Variants in CDC42BPA observed in about 807,000 individuals in gnomAD.
The protein encoded by CDC42BPA is CDC42 binding protein kinase alpha.
Under a neutral mutation model 223.5 loss-of-function variants are expected in CDC42BPA, and 80 were observed. The observed-to-expected ratio is 0.36, with a 90% CI of 0.30 to 0.43. The LOEUF is 0.43. CDC42BPA is among the 20% of genes least tolerant of loss of function. CDC42BPA has a pLI of 1.00. For synonymous variants in CDC42BPA, 694 were observed against 718.6 expected (o/e 0.97, Z 0.55); for missense variants, 1,743 against 2,099.9 (o/e 0.83, Z 3.32).
chr1:227,118,465 A>C (rs1240235901), intron 12 of CDC42BPA, among the ~76,000 whole-genome samples: 1 of 152,146 alleles, frequency 6.6e-6, no homozygotes, highest in Non-Finnish European at 1.5e-5. Context: ...TATTAAGCAA[A>C]TCACTCAAAG....
intron 5 of CDC42BPA, among the ~76,000 whole-genome samples, chr1:227,186,360 C>T (rs990908309): frequency 6.6e-6 from 1 of 152,146 alleles, no homozygotes; most frequent in South Asian, 2.1e-4. Flanking sequence ...GGCCTGCCCT[C>T]AGGAGAAACT....
At chr1:227,247,885 A>G (rs1036513612) in intron 2 of CDC42BPA, among the ~76,000 whole-genome samples, 1 of 152,114 alleles carries the variant, frequency 6.6e-6, no homozygotes, top group African/African-American at 2.4e-5. Flanking sequence ...CCATCTCAAA[A>G]TAAATAAATA....
chr1:227,249,618 A>G (rs1681604579), intron 2 of CDC42BPA, among the ~76,000 whole-genome samples: 1 of 152,176 alleles, frequency 6.6e-6, no homozygotes, highest in African/African-American at 2.4e-5. Context: ...TGATAATCCA[A>G]TTTTTAAAAT....
intron 2 of CDC42BPA, 132 bp from the exon 3 acceptor site, chr1:227,213,351 A>G (rs1674266945): frequency 1.9e-6 from 1 of 531,986 alleles, no homozygotes; most frequent in African/African-American, 2.1e-5. Flanking sequence ...AAATTCTAAG[A>G]TCCTAAATTA....
intron 32 of CDC42BPA, among the ~76,000 whole-genome samples, chr1:227,019,458 A>AT (rs1456538326): frequency 1.3e-5 from 2 of 152,168 alleles, no homozygotes; most frequent in African/African-American, 2.4e-5. Context: ...GAATGATGGT[A>AT]TTTTGACCTC....
intron 2 of CDC42BPA, among the ~76,000 whole-genome samples, chr1:227,241,528 C>G (rs1680015347): frequency 6.6e-6 from 1 of 152,086 alleles, no homozygotes; most frequent in African/African-American, 2.4e-5. Flanking sequence ...CATGCAATTG[C>G]AAGGATGAGT....
At chr1:227,016,334 A>T in intron 33 of CDC42BPA, 137 bp from the exon 34 acceptor site, 1 of 630,668 alleles carries the variant, frequency 1.6e-6, no homozygotes, top group Non-Finnish European at 2.8e-6. Context: ...AACAGAATAT[A>T]CTCAATTAAA....
intron 5 of CDC42BPA, among the ~76,000 whole-genome samples, chr1:227,177,372 AG>A (rs1196120011): frequency 6.6e-6 from 1 of 152,154 alleles, no homozygotes; most frequent in Non-Finnish European, 1.5e-5. Flanking sequence ...CCCCAGATAC[AG>A]AATACTGCAT....
intron 2 of CDC42BPA, among the ~76,000 whole-genome samples, chr1:227,236,094 T>C (rs1048903512): frequency 6.6e-6 from 1 of 152,210 alleles, no homozygotes; most frequent in Non-Finnish European, 1.5e-5. Flanking sequence ...TCTATGTACC[T>C]CAGGTGATTC....
Position 227,054,451 on chromosome 1 carries a change from ATGGAAGGT to A in CDC42BPA, c.2905-2474_2905-2467del, listed in dbSNP as rs375197717. On this transcript the variant is annotated intron_variant, in intron 21 of 36. Coordinates refer to ENST00000366766, the MANE Select transcript of CDC42BPA (RefSeq NM_001394014.1). ...AGCCATTTTGTCAGTATATGGACTA[ATGGAAGGT>A]TATATCATGAAATCAGTGAACCTAA... is the stretch of plus-strand genomic sequence containing the variant. Among the ~76,000 whole-genome samples the A allele has an allele frequency of 7.2e-3, 1,104 of 152,312 alleles. 9 individuals are homozygous for A. The highest frequency in any genetic ancestry group is 9.4e-3 in the Non-Finnish European group (638 of 68,010).
chr1:227,216,112 T>C (rs1016668737), intron 2 of CDC42BPA, among the ~76,000 whole-genome samples: 3 of 141,798 alleles, frequency 2.1e-5, no homozygotes, highest in Non-Finnish European at 3.1e-5. Flanking sequence ...CTGTGACTTT[T>C]TCTCTCTCTA....
chr1:226,997,601 C>G (rs572360414), intron 35 of CDC42BPA, among the ~76,000 whole-genome samples: 1 of 152,290 alleles, frequency 6.6e-6, no homozygotes, highest in South Asian at 2.1e-4. Context: ...CTATAAATTT[C>G]CCTCTAAACA....
chr1:227,213,072 A>T, intron 3 of CDC42BPA, 64 bp downstream of exon 3: 1 of 860,738 alleles, frequency 1.2e-6, no homozygotes. Flanking sequence ...AGCTCTATGG[A>T]ATTTTATAAT....
At chr1:227,075,526 C>T (rs1679289081) in intron 17 of CDC42BPA, among the ~76,000 whole-genome samples, 1 of 152,158 alleles carries the variant, frequency 6.6e-6, no homozygotes, top group Non-Finnish European at 1.5e-5. Context: ...GGGACAGTTA[C>T]ACATTCCTAG....
At chr1:227,066,412 C>CA (rs150372279) in intron 21 of CDC42BPA, among the ~76,000 whole-genome samples, 23,368 of 150,998 alleles carry the variant, frequency 0.15, 2,186 homozygotes, top group African/African-American at 0.25. Context: ...AAAACAAAAA[C>CA]AAAAAAAGAA....
chr1:227,017,094 G>T (rs146224129), intron 32 of CDC42BPA, 44 bp from the exon 33 acceptor site: 154 of 1,558,776 alleles, frequency 9.9e-5, no homozygotes, highest in Admixed American at 9.2e-4. Flanking sequence ...TCTTTAAACT[G>T]TTAAAATGCT....
chr1:227,017,457 CA>C (rs11303394), intron 32 of CDC42BPA, among the ~76,000 whole-genome samples: 33,106 of 152,020 alleles, frequency 0.22, 3,906 homozygotes, highest in African/African-American at 0.26. Context: ...GAACAGTAAT[CA>C]GGCATAAATG....
At position 227,228,064 on chromosome 1, in the gene CDC42BPA, G is replaced by T. The variant is rs1322865750; in HGVS notation, c.271-14845C>A. ...CACTTATAAGTGGGAGCTGAAAAAT[G>T]AGAACACATGGACTCAGGGAGGGGA... On this transcript the variant is annotated intron_variant, in intron 2 of 36. Transcript: ENST00000366766. Among the ~76,000 whole-genome samples the T allele has an allele frequency of 2.0e-5, 3 of 151,986 alleles. No individual in the cohort carries two copies. In the East Asian group the frequency reaches 5.8e-4, roughly 29 times the overall value.
intron 1 of CDC42BPA, among the ~76,000 whole-genome samples, chr1:227,258,318 AC>A (rs1335653793): frequency 6.6e-6 from 1 of 150,882 alleles, no homozygotes; most frequent in African/African-American, 2.5e-5. Flanking sequence ...TTAAACCGAA[AC>A]CTAGCTCCCC....
Sources: allele counts gnomAD v4.1 joint callset (sites outside exome capture counted in the v4.1 genomes callset), GRCh38; gene constraint gnomAD v4.1.1; transcripts MANE v1.5; gene names NCBI Gene and HGNC (gene_info 2026-07-23, HGNC 2026-07-21).